ZMYM1: variants seen among roughly 807,000 people sequenced by gnomAD.
ZMYM1 encodes zinc finger MYM-type containing 1.
ZMYM1 carries 39 observed loss-of-function variants against 60.0 expected under a neutral mutation model. That is an observed-to-expected ratio of 0.65 (90% CI 0.50 to 0.85). The LOEUF (loss-of-function observed/expected upper bound fraction) is 0.85, where lower values mean the gene tolerates loss of function less well. Among genes scored for constraint, ZMYM1 ranks in the 40% least tolerant of loss-of-function variants. The pLI is 0.00. For missense variants in ZMYM1, 1,171 were observed against 1,309.5 expected, an observed-to-expected ratio of 0.89 and a Z score of 1.63; for synonymous variants, 413 against 454.0, an observed-to-expected ratio of 0.91 and a Z score of 1.15.
rs1644094088 is a variant in ZMYM1, at chr1:35,111,763, T to C, written c.962-9T>C. The C allele has an allele frequency of 6.4e-7, 1 of 1,555,620 alleles. No individual in the cohort carries two copies. Among genetic ancestry groups the C allele is most frequent in the Non-Finnish European group, 8.7e-7 (1 of 1,149,622 alleles). On this transcript the variant is annotated splice_polypyrimidine_tract_variant and intron_variant, in intron 7 of 9. Coordinates refer to ENST00000359858, the MANE Select transcript of ZMYM1 (RefSeq NM_024772.5). ...CCTTGTTTATAAGAAATCTTTTTAT[T>C]GTTGTCAGTAAGTGTTGTTTCTGTG...
chr1:35,096,081 G>A (rs575974649), intron 3 of ZMYM1, among the ~76,000 whole-genome samples, 190 bp downstream of exon 3: 2 of 152,118 alleles, frequency 1.3e-5, no homozygotes, highest in South Asian at 2.1e-4. Flanking sequence ...TTGGGAGGCC[G>A]AGGCAGGCGG....
At position 35,114,598 on chromosome 1, in the gene ZMYM1, T is replaced by C. The variant is rs1398994222; in HGVS notation, c.2768T>C (p.Ile923Thr). The C allele has an allele frequency of 6.2e-7, 1 of 1,609,762 alleles. No individual in the cohort carries two copies. Among genetic ancestry groups the C allele is most frequent in the Non-Finnish European group, 8.5e-7 (1 of 1,178,680 alleles). The stretch of plus-strand genomic sequence containing the variant: ...GGAACAGAGGAAATATGTCAAAAAA[T>C]AACCTGTAAAGGTTTTAAAGTTGAA... ...WDGTEEICQK[I>T]TCKGFKVEKP... The change falls in exon 10 of 10, where the codon ATA becomes ACA. Residue 923 changes from isoleucine (I) to threonine (T), a missense_variant. Coordinates refer to ENST00000359858, the MANE Select transcript of ZMYM1 (RefSeq NM_024772.5).
upstream of ZMYM1, among the ~76,000 whole-genome samples, chr1:35,074,671 T>A (rs188939030): frequency 1.3e-5 from 2 of 152,216 alleles, no homozygotes; most frequent in East Asian, 3.9e-4. Flanking sequence ...CCTCCCAAAG[T>A]GCTGGGATTA....
At chr1:35,100,560 T>G (rs533883245) in intron 4 of ZMYM1, among the ~76,000 whole-genome samples, 8 of 151,350 alleles carry the variant, frequency 5.3e-5, no homozygotes, top group Admixed American at 5.3e-4. Context: ...AGACGGAGGT[T>G]GCAGTGAGCT....
chr1:35,090,312 A>G (rs1046216630), intron 1 of ZMYM1, among the ~76,000 whole-genome samples: 3 of 152,122 alleles, frequency 2.0e-5, no homozygotes, highest in Non-Finnish European at 4.4e-5. Flanking sequence ...AATCAGAGGT[A>G]ACAGCTACCA....
intron 1 of ZMYM1, among the ~76,000 whole-genome samples, chr1:35,063,809 C>G (rs545900234): frequency 6.6e-6 from 1 of 152,270 alleles, no homozygotes; most frequent in South Asian, 2.1e-4. Context: ...CACATGCTAA[C>G]CTACTAGTTC....
intron 1 of ZMYM1, among the ~76,000 whole-genome samples, chr1:35,089,986 G>A (rs1365924372): frequency 6.7e-6 from 1 of 150,216 alleles, no homozygotes; most frequent in Non-Finnish European, 1.5e-5. Flanking sequence ...CTCACTGCAA[G>A]CTCCGCCTCC....
At chr1:35,063,657 A>G (rs1641915239) in intron 1 of ZMYM1, among the ~76,000 whole-genome samples, 1 of 152,144 alleles carries the variant, frequency 6.6e-6, no homozygotes, top group Non-Finnish European at 1.5e-5. Flanking sequence ...GCTAACAACA[A>G]CAACAAAAAA....
intron 6 of ZMYM1, among the ~76,000 whole-genome samples, chr1:35,109,497 G>A (rs1022451640): frequency 4.6e-5 from 7 of 152,094 alleles, no homozygotes; most frequent in African/African-American, 1.7e-4. Flanking sequence ...TTGCTTGTAT[G>A]CTGCTTTCTT....
Position 35,114,717 on chromosome 1 carries a change from T to TAG in ZMYM1, c.2888_2889insGA (p.Tyr963Ter). 6.3e-7 allele frequency: 1 copy of TAG among 1,574,948 alleles called. No homozygotes were observed. Among genetic ancestry groups the TAG allele is most frequent in the South Asian group, 1.2e-5 (1 of 84,450 alleles). Reference protein sequence around the residue: ...MFFPTSTEEQYKINIYYQGLD... With the variant: ...MFFPTSTEEQ The stretch of plus-strand genomic sequence containing the variant: ...TTTTCCTACTTCAACAGAAGAACAA[T>TAG]ATAAAATTAATATCTATTACCAAGG... The change falls in exon 10 of 10, where the codon TAT becomes TAGAT. Residue 963 changes from tyrosine to a stop codon, truncating the protein, a stop_gained and frameshift_variant. Transcript: ENST00000359858. LOFTEE classifies it low-confidence loss of function (END_TRUNC).
At position 35,113,438 on chromosome 1, in the gene ZMYM1, C is replaced by T. The variant is rs189969714; in HGVS notation, c.1608C>T (p.Val536=). Residue 536 remains valine, a synonymous_variant, in exon 10 of 10, where the codon GTC becomes GTT. Coordinates refer to ENST00000359858, the MANE Select transcript of ZMYM1 (RefSeq NM_024772.5). ...WREYQFCDGA[V]SDDLSIHSKQ... ...AATACCAATTTTGTGATGGAGCTGT[C>T]AGTGACGATTTATCTATTCATTCGA... The T allele has an allele frequency of 1.2e-5, 19 of 1,613,724 alleles. No individual in the cohort carries two copies. In the Admixed American group the frequency reaches 2.5e-4, roughly 21 times the overall value.
chr1:35,096,443 T>G (rs1472537384), intron 3 of ZMYM1, among the ~76,000 whole-genome samples: 3 of 151,478 alleles, frequency 2.0e-5, no homozygotes, highest in African/African-American at 7.3e-5. Context: ...CTGGGCAACA[T>G]AGCGAGATCC....
At chr1:35,092,684 A>G (rs953654361) in intron 1 of ZMYM1, among the ~76,000 whole-genome samples, 5 of 148,242 alleles carry the variant, frequency 3.4e-5, no homozygotes, top group Admixed American at 6.8e-5. Context: ...CTGGAGTGCA[A>G]TGGCGCGATC....
intron 1 of ZMYM1, among the ~76,000 whole-genome samples, chr1:35,082,972 ACT>A (rs1414311941): frequency 6.6e-6 from 1 of 150,960 alleles, no homozygotes; most frequent in African/African-American, 2.4e-5. Context: ...CAAGAGTAAA[ACT>A]CTGTCTCCAA....
intron 4 of ZMYM1, among the ~76,000 whole-genome samples, chr1:35,101,340 C>G (rs886097282): frequency 6.6e-6 from 1 of 151,050 alleles, no homozygotes. Flanking sequence ...CAACTCCTGA[C>G]CTCAGGTATC....
chr1:35,101,391 G>A (rs904064279), intron 4 of ZMYM1, among the ~76,000 whole-genome samples: 15 of 150,380 alleles, frequency 1.0e-4, no homozygotes, highest in African/African-American at 3.2e-4. Context: ...GTGAGCCACC[G>A]TGCCTGGCCA....
intron 1 of ZMYM1, among the ~76,000 whole-genome samples, chr1:35,089,692 A>G (rs1193110087): frequency 7.7e-6 from 1 of 129,686 alleles, no homozygotes; most frequent in Non-Finnish European, 1.6e-5. Flanking sequence ...ACTTCTCCAC[A>G]TTTGTGTTAG....
chr1:35,112,566 A>T (rs1367845052), intron 9 of ZMYM1, among the ~76,000 whole-genome samples: 9 of 38,812 alleles, frequency 2.3e-4, no homozygotes, highest in Middle Eastern at 0.013. Context: ...ATTGTATATA[A>T]TATAAATATA....
chr1:35,073,338 A>AGGAAGG (rs1642104488), intron 1 of ZMYM1, among the ~76,000 whole-genome samples: 1 of 115,678 alleles, frequency 8.6e-6, no homozygotes, highest in African/African-American at 3.5e-5. Flanking sequence ...AGAAAGAAAG[A>AGGAAGG]AAGGAAGGAA....
Sources: gnomAD v4.1 joint callset for allele counts (sites outside exome capture counted in the v4.1 genomes callset) on GRCh38, gnomAD v4.1.1 for gene constraint, MANE v1.5 for transcripts, NCBI Gene and HGNC (gene_info 2026-07-23, HGNC 2026-07-21) for gene names.